Variants in RAD51B observed in about 807,000 individuals in gnomAD.
RAD51B encodes the protein DNA repair protein RAD51 homolog 2.
Under a neutral mutation model 42.2 loss-of-function variants are expected in RAD51B, and 38 were observed. The observed-to-expected ratio is 0.90, with a 90% CI of 0.70 to 1.18. RAD51B has a LOEUF of 1.18. Among genes scored for constraint, RAD51B ranks in the 50% most tolerant of loss-of-function variants. The probability of loss-of-function intolerance (pLI) is 0.00; values close to 1 mark genes in which losing one functional copy is unlikely to be tolerated. For missense variants in RAD51B, 373 were observed against 400.7 expected (o/e 0.93, Z 0.59); for synonymous variants, 154 against 145.2 (o/e 1.06, Z -0.43).
intron 7 of RAD51B, among the ~76,000 whole-genome samples, chr14:68,186,001 G>A (rs1317240230): frequency 6.6e-6 from 1 of 152,142 alleles, no homozygotes; most frequent in African/African-American, 2.4e-5. Flanking sequence ...CATGGTACTG[G>A]TACAGAAGCA....
intron 7 of RAD51B, among the ~76,000 whole-genome samples, chr14:67,889,667 A>G (rs1033883664): frequency 6.6e-6 from 1 of 151,850 alleles, no homozygotes; most frequent in East Asian, 1.9e-4. Context: ...GTGCGCATGA[A>G]TGCATTTAAG....
In RAD51B at chr14:67,893,405, A is replaced by G. The variant is rs537363408; in HGVS notation, c.756+6201A>G. On this transcript the variant is annotated intron_variant, in intron 7 of 10. Coordinates refer to ENST00000471583, the MANE Select transcript of RAD51B (RefSeq NM_133510.4). The stretch of plus-strand genomic sequence containing the variant: ...GCTAAGGCAGGAGGATCACTTGGCC[A>G]GGAGCTAGAGACCAGACTGTGCAAC... Among the ~76,000 whole-genome samples the G allele has an allele frequency of 1.5e-3, 230 of 151,428 alleles. 1 individual carries two copies. Among genetic ancestry groups the G allele is most frequent in the Non-Finnish European group, 2.5e-3 (170 of 67,852 alleles).
At chr14:68,071,457 T>G (rs1450651337) in intron 7 of RAD51B, among the ~76,000 whole-genome samples, 1 of 152,008 alleles carries the variant, frequency 6.6e-6, no homozygotes, top group Non-Finnish European at 1.5e-5. Flanking sequence ...CTAGTTTGTT[T>G]TTAGCACAAA....
chr14:68,069,923 T>C (rs1262986857), intron 7 of RAD51B, among the ~76,000 whole-genome samples: 1 of 152,160 alleles, frequency 6.6e-6, no homozygotes, highest in Non-Finnish European at 1.5e-5. Context: ...AAGCATTCCC[T>C]TTCCTCTGTA....
At chr14:68,442,194 C>T (rs1007018060) in intron 9 of RAD51B, among the ~76,000 whole-genome samples, 4 of 152,280 alleles carry the variant, frequency 2.6e-5, no homozygotes, top group South Asian at 4.1e-4. Flanking sequence ...CTTTACTCTG[C>T]GTCCAGTCTG....
chr14:67,930,426 G>A (rs73282427), intron 7 of RAD51B, among the ~76,000 whole-genome samples: 1 of 151,928 alleles, frequency 6.6e-6, no homozygotes, highest in Non-Finnish European at 1.5e-5. Flanking sequence ...GCTTAGAAAA[G>A]ACTTTATTTC....
intron 7 of RAD51B, among the ~76,000 whole-genome samples, chr14:68,100,484 T>G (rs2077270152): frequency 6.6e-6 from 1 of 152,052 alleles, no homozygotes; most frequent in Admixed American, 6.5e-5. Flanking sequence ...TGGCCCAAAG[T>G]CTGTAATTTT....
At chr14:68,346,475 C>A (rs2082680177) in intron 8 of RAD51B, among the ~76,000 whole-genome samples, 1 of 152,212 alleles carries the variant, frequency 6.6e-6, no homozygotes, top group Non-Finnish European at 1.5e-5. Context: ...CCCCAAACAA[C>A]CACTCGATCA....
intron 7 of RAD51B, among the ~76,000 whole-genome samples, chr14:68,087,917 A>ATATATTATAT (rs2077015983): frequency 7.5e-5 from 6 of 80,484 alleles, no homozygotes; most frequent in African/African-American, 1.3e-4. Context: ...ATTATATAAT[A>ATATATTATAT]TATTATATAT....
At chr14:68,628,556 G>T (rs1040461405) in intron 10 of RAD51B, 1 of 152,236 alleles carries the variant, frequency 6.6e-6, no homozygotes, top group African/African-American at 2.4e-5. Flanking sequence ...CGGCCTGACG[G>T]CAGGCGCGGC....
intron 7 of RAD51B, among the ~76,000 whole-genome samples, chr14:67,939,662 C>G (rs1411693457): frequency 2.6e-5 from 4 of 152,038 alleles, no homozygotes; most frequent in Non-Finnish European, 5.9e-5. Context: ...TTATTTCTCA[C>G]AGTTCTGAAG....
intron 7 of RAD51B, among the ~76,000 whole-genome samples, chr14:67,946,747 A>G (rs763588452): frequency 1.3e-5 from 2 of 152,198 alleles, no homozygotes; most frequent in African/African-American, 2.4e-5. Flanking sequence ...TTTTTAAAAC[A>G]AACAAAACAC....
intron 7 of RAD51B, among the ~76,000 whole-genome samples, chr14:68,007,235 T>C (rs759269459): frequency 6.6e-6 from 1 of 152,154 alleles, no homozygotes; most frequent in Non-Finnish European, 1.5e-5. Context: ...TCAAATAATA[T>C]TTCAGTGTAT....
At chr14:67,873,028 G>T (rs2042596047) in intron 5 of RAD51B, among the ~76,000 whole-genome samples, 1 of 152,110 alleles carries the variant, frequency 6.6e-6, no homozygotes, top group African/African-American at 2.4e-5. Context: ...CATAGGCATG[G>T]GCAAGGACTT....
intron 10 of RAD51B, among the ~76,000 whole-genome samples, chr14:68,624,614 C>A (rs538124865): frequency 6.6e-6 from 1 of 152,150 alleles, no homozygotes; most frequent in East Asian, 1.9e-4. Context: ...TCTGGACTGG[C>A]CAGAGGGAAG....
chr14:68,444,880 A>C (rs2085387221), intron 9 of RAD51B, among the ~76,000 whole-genome samples: 1 of 152,200 alleles, frequency 6.6e-6, no homozygotes. Context: ...AGTACACTGA[A>C]ATGCCAAGGC....
chr14:68,375,403 G>A (rs1794208255), intron 8 of RAD51B, among the ~76,000 whole-genome samples: 1 of 152,100 alleles, frequency 6.6e-6, no homozygotes. Flanking sequence ...GTTAAATCAC[G>A]ATTTTATTTT....
intron 9 of RAD51B, among the ~76,000 whole-genome samples, chr14:68,449,096 A>G (rs2085493061): frequency 6.6e-6 from 1 of 152,230 alleles, no homozygotes; most frequent in African/African-American, 2.4e-5. Context: ...GCAGCATAGT[A>G]TTCATGGTAT....
intron 7 of RAD51B, among the ~76,000 whole-genome samples, chr14:68,157,473 G>A (rs1046794576): frequency 5.9e-5 from 9 of 152,208 alleles, no homozygotes; most frequent in Non-Finnish European, 1.3e-4. Flanking sequence ...ATTAGGTAGT[G>A]TAAGAATTTC....
Sources: gnomAD v4.1 joint callset for allele counts (sites outside exome capture counted in the v4.1 genomes callset) on GRCh38, gnomAD v4.1.1 for gene constraint, MANE v1.5 for transcripts, NCBI Gene and HGNC (gene_info 2026-07-23, HGNC 2026-07-21) for gene names.